Variants in OLAH observed in about 807,000 individuals in gnomAD.
The protein encoded by OLAH is S-acyl fatty acid synthase thioesterase, medium chain.
In OLAH, 33 loss-of-function variants were observed where a neutral mutation model predicts 27.8. The observed-to-expected ratio is 1.19, with a 90% CI of 0.90 to 1.59. The LOEUF (loss-of-function observed/expected upper bound fraction) is 1.59, where lower values mean the gene tolerates loss of function less well. Among genes scored for constraint, OLAH ranks in the 40% most tolerant of loss-of-function variants. The pLI is 0.00. For synonymous variants in OLAH, 120 were observed against 102.9 expected (o/e 1.17, Z -1.01); for missense variants, 359 against 310.8 (o/e 1.16, Z -1.17).
At position 15,043,991 on chromosome 10, in the gene OLAH, GTATCT is replaced by G. The variant is rs1843968171; in HGVS notation, c.-164+9_-164+13del. 1.3e-5 allele frequency: 2 copies of G among 152,124 alleles called. No individual in the cohort carries two copies. Among genetic ancestry groups the G allele is most frequent in the South Asian group, 4.1e-4 (2 of 4,836 alleles). 9.4% of individuals were successfully genotyped at this position (152,124 alleles called of 1,614,324 possible). On this transcript the variant is annotated splice_donor_region_variant and intron_variant, in intron 1 of 7. Coordinates refer to ENST00000378228, the MANE Select transcript of OLAH (RefSeq NM_001039702.3). ...GTTCATCTCAAAGCCTGGCAAGTGA[GTATCT>G]TATATTTTAAATTATCTAAAAATCA...
At chr10:15,059,829 A>G (rs1844327620) in intron 3 of OLAH, among the ~76,000 whole-genome samples, 1 of 152,066 alleles carries the variant, frequency 6.6e-6, no homozygotes. Context: ...AATAAATAAG[A>G]AATGTTTTGC....
At chr10:15,050,849 C>T (rs1340684249) in intron 3 of OLAH, among the ~76,000 whole-genome samples, 1 of 151,892 alleles carries the variant, frequency 6.6e-6, no homozygotes, top group Non-Finnish European at 1.5e-5. Flanking sequence ...CCCCAAAGTG[C>T]TAGGATTACA....
intron 2 of OLAH, among the ~76,000 whole-genome samples, chr10:15,047,781 G>A (rs560984939): frequency 1.3e-5 from 2 of 152,250 alleles, no homozygotes; most frequent in South Asian, 4.1e-4. Flanking sequence ...GTAAAAAGCA[G>A]TGAGTTTTTC....
Position 15,073,141 on chromosome 10 carries a change from A to C in OLAH, c.710A>C (p.His237Pro), listed in dbSNP as rs777055015. The change falls in exon 8 of 8, where the codon CAC becomes CCC. Residue 237 changes from histidine to proline, a missense_variant. By Grantham distance (77) the His-to-Pro change is moderately conservative. Transcript: ENST00000378228. Reference protein sequence around the residue: ...NAKIYQLPGGHFYLLDPANEK... With the variant: ...NAKIYQLPGGPFYLLDPANEK... ...AAAATTTACCAGCTTCCAGGGGGTC[A>C]CTTTTATCTTCTGGATCCTGCGAAC... The C allele has an allele frequency of 6.2e-7, 1 of 1,613,048 alleles. No individual in the cohort carries two copies.
chr10:15,044,535 G>A (rs1843979478), intron 1 of OLAH, among the ~76,000 whole-genome samples: 1 of 151,422 alleles, frequency 6.6e-6, no homozygotes, highest in Non-Finnish European at 1.5e-5. Context: ...GCTCACTACT[G>A]TCTTTTTCAT....
chr10:15,071,410 C>G, intron 6 of OLAH: 1 of 530,310 alleles, frequency 1.9e-6, no homozygotes, highest in South Asian at 8.3e-5. Context: ...TCAATAAACA[C>G]GTTTGCTGCT....
Position 15,047,134 on chromosome 10 carries a change from G to A in OLAH, c.-155G>A. 3 of 565,248 alleles carry A rather than the reference G, an allele frequency of 5.3e-6. No individual in the cohort carries two copies. The highest frequency in any genetic ancestry group is 9.2e-6 in the Non-Finnish European group (3 of 325,072). The allele number at this position is 565,248 out of a possible 1,614,324, so 35.0% of individuals were successfully genotyped here. Reference sequence around the variant, plus strand: ...TTCTTTATTTTTAACAGGGATTGGAGAGGTCAATAAGAGTCAGCGCCTTTA... The same window carrying A: ...TTCTTTATTTTTAACAGGGATTGGAAAGGTCAATAAGAGTCAGCGCCTTTA... On this transcript the variant is annotated 5_prime_UTR_variant, in exon 2 of 8. Transcript: ENST00000378228.
intron 3 of OLAH, chr10:15,056,796 A>T: frequency 6.9e-7 from 1 of 1,441,418 alleles, no homozygotes; most frequent in Non-Finnish European, 9.1e-7. Flanking sequence ...ATGCTCGGCT[A>T]ATTTTATTTT....
At chr10:15,047,410 A>C (rs781732298) in intron 2 of OLAH, 90 bp downstream of exon 2, 2 of 1,297,298 alleles carry the variant, frequency 1.5e-6, no homozygotes, top group African/African-American at 1.5e-5. Flanking sequence ...AGTTTGAAAG[A>C]GGTTTCTCAG....
At chr10:15,047,659 C>T (rs912289489) in intron 2 of OLAH, among the ~76,000 whole-genome samples, 25 of 152,048 alleles carry the variant, frequency 1.6e-4, no homozygotes, top group African/African-American at 6.0e-4. Context: ...GAGACGAGAT[C>T]GCGCCACTGC....
chr10:15,036,908 G>A (rs1245534982), intron 1 of OLAH, among the ~76,000 whole-genome samples: 5 of 151,900 alleles, frequency 3.3e-5, no homozygotes, highest in Non-Finnish European at 5.9e-5. Flanking sequence ...GTGAAACCTC[G>A]TCTCTACTAA....
At chr10:15,060,701 G>A (rs1208484143) in intron 3 of OLAH, among the ~76,000 whole-genome samples, 1 of 151,876 alleles carries the variant, frequency 6.6e-6, no homozygotes, top group Non-Finnish European at 1.5e-5. Flanking sequence ...ACCGTTTAAG[G>A]TCCTTGTCTG....
chr10:15,069,664 C>G (rs540148423), intron 6 of OLAH, among the ~76,000 whole-genome samples: 1 of 152,086 alleles, frequency 6.6e-6, no homozygotes, highest in African/African-American at 2.4e-5. Flanking sequence ...GTCAGGAGTT[C>G]GAGACCAGCC....
rs1589256860 is a variant in OLAH at position 15,073,386 on chromosome 10, C to A, written c.*157C>A. The A allele has an allele frequency of 3.3e-6, 2 of 599,476 alleles. No homozygotes were observed. The allele number at this position is 599,476 out of a possible 1,614,324, so 37.1% of individuals were successfully genotyped here. A position where few individuals can be genotyped will look rare whatever the true frequency, so the allele number is the denominator to read the frequency against. On this transcript the variant is annotated 3_prime_UTR_variant, in exon 8 of 8. Coordinates refer to ENST00000378228, the MANE Select transcript of OLAH (RefSeq NM_001039702.3). ...TATTTACGTATCTGGGGACAAAGGT[C>A]AAGCCAGTAAAGAATACTTCTGGCA...
chr10:15,072,381 G>C (rs1278489760), intron 7 of OLAH, among the ~76,000 whole-genome samples: 1 of 152,112 alleles, frequency 6.6e-6, no homozygotes, highest in Non-Finnish European at 1.5e-5. Context: ...GAGAGATGTT[G>C]GTCTTGTGTA....
At chr10:15,061,140 A>G (rs1045009618) in intron 3 of OLAH, among the ~76,000 whole-genome samples, 22 of 152,226 alleles carry the variant, frequency 1.4e-4, no homozygotes, top group African/African-American at 5.3e-4. Context: ...TCAAATTTGC[A>G]TAAATACAAG....
At chr10:15,041,207 G>A (rs1035027427), upstream of OLAH, among the ~76,000 whole-genome samples, 6 of 152,178 alleles carry the variant, frequency 3.9e-5, no homozygotes, top group Non-Finnish European at 5.9e-5. Context: ...TCACCAGCAC[G>A]ATAGGATACT....
At chr10:15,067,776 G>T (rs999947964) in intron 6 of OLAH, among the ~76,000 whole-genome samples, 1 of 152,084 alleles carries the variant, frequency 6.6e-6, no homozygotes, top group African/African-American at 2.4e-5. Context: ...CAATACAAAT[G>T]AAATCAGGCC....
intron 3 of OLAH, among the ~76,000 whole-genome samples, chr10:15,053,110 C>A (rs1403492059): frequency 2.0e-5 from 3 of 152,066 alleles, no homozygotes; most frequent in Non-Finnish European, 4.4e-5. Context: ...ATGATAGGCT[C>A]TTTTAATATG....
Sources: gnomAD v4.1 joint callset for allele counts (sites outside exome capture counted in the v4.1 genomes callset) on GRCh38, gnomAD v4.1.1 for gene constraint, MANE v1.5 for transcripts, NCBI Gene and HGNC (gene_info 2026-07-23, HGNC 2026-07-21) for gene names.